Variants in MGAT4C observed in about 807,000 individuals in gnomAD.
The protein encoded by MGAT4C is MGAT4 family member C.
A neutral mutation model predicts 40.1 loss-of-function variants in MGAT4C; 19 were observed. The observed-to-expected ratio is 0.47, with a 90% CI of 0.33 to 0.70. The LOEUF is 0.70. Among genes scored for constraint, MGAT4C ranks in the 30% least tolerant of loss-of-function variants. The pLI, the probability that MGAT4C is intolerant of heterozygous loss-of-function variation, is 0.02. For missense variants in MGAT4C, 491 were observed against 563.2 expected, an observed-to-expected ratio of 0.87 and a Z score of 1.30; for synonymous variants, 181 against 187.1, an observed-to-expected ratio of 0.97 and a Z score of 0.27.
intron 1 of MGAT4C, among the ~76,000 whole-genome samples, chr12:86,773,694 T>C (rs1286088840): frequency 1.3e-5 from 2 of 151,990 alleles, no homozygotes; most frequent in African/African-American, 4.8e-5. Flanking sequence ...ATCTCTTAAC[T>C]ATTTATAAGA....
At chr12:86,323,042 A>G (rs2136164393) in intron 4 of MGAT4C, among the ~76,000 whole-genome samples, 1 of 151,494 alleles carries the variant, frequency 6.6e-6, no homozygotes, top group Middle Eastern at 3.4e-3. Flanking sequence ...CTATTGTAAA[A>G]CTCTGCAACA....
At position 86,320,423 on chromosome 12, in the gene MGAT4C, A is replaced by G. The variant is rs574614731; in HGVS notation, c.-57+13642T>C. On this transcript the variant is annotated intron_variant, in intron 4 of 7. Transcript: ENST00000548651. ...CCAAAGAGTGGCATTTTCTTTTCATACTATTAGTTTATTAAGACTTAATAT... is the reference window on the plus strand; with the variant it reads ...CCAAAGAGTGGCATTTTCTTTTCATGCTATTAGTTTATTAAGACTTAATAT... 2.3e-3 allele frequency among the ~76,000 whole-genome samples: 355 copies of G among 152,228 alleles called. 1 individual carries two copies. The highest frequency in any genetic ancestry group is 7.9e-3 in the African/African-American group (329 of 41,574).
chr12:86,541,789 C>A (rs1348285439), intron 2 of MGAT4C, among the ~76,000 whole-genome samples: 2 of 152,138 alleles, frequency 1.3e-5, no homozygotes, highest in Non-Finnish European at 2.9e-5. Context: ...TCATCTCCAA[C>A]CTGATTTTCA....
chr12:86,054,658 T>A (rs10779229), intron 1 of MGAT4C, among the ~76,000 whole-genome samples: 1 of 151,662 alleles, frequency 6.6e-6, no homozygotes, highest in African/African-American at 2.4e-5. Context: ...ACATCATGTT[T>A]TACAAGATAA....
At position 86,497,303 on chromosome 12, in the gene MGAT4C, A is replaced by G. The variant is rs910211406; in HGVS notation, c.-228-62038T>C. Among the ~76,000 whole-genome samples the G allele has an allele frequency of 5.3e-5, 8 of 152,094 alleles. No homozygotes were observed. In the East Asian group the frequency reaches 9.7e-4, roughly 18 times the overall value. ...AGGCTCTTTGGAGTATATACCTGTG[A>G]GCCATGTCATTTCAAAGTTAAAGCA... On this transcript the variant is annotated intron_variant, in intron 2 of 7. Transcript: ENST00000548651.
intron 2 of MGAT4C, among the ~76,000 whole-genome samples, chr12:86,620,572 G>A (rs1593050803): frequency 6.6e-6 from 1 of 152,142 alleles, no homozygotes; most frequent in Admixed American, 6.5e-5. Flanking sequence ...TAAGGTGGGA[G>A]GGGGATGGTG....
rs116806010 is a variant in MGAT4C, at chr12:86,677,703, C to T, written c.-229+49506G>A. On this transcript the variant is annotated intron_variant, in intron 2 of 7. Coordinates refer to the MGAT4C transcript ENST00000548651. ...CTTCTATAAATATACCATGGTAAAA[C>T]GAGTTAATGGGTTTCACATAAAATC... 4.1e-3 allele frequency among the ~76,000 whole-genome samples: 617 copies of T among 151,822 alleles called. 3 individuals carry two copies. Among genetic ancestry groups the T allele is most frequent in the African/African-American group, 0.014 (599 of 41,404 alleles).
At position 86,411,564 on chromosome 12, in the gene MGAT4C, G is replaced by C. The variant is rs115624568; in HGVS notation, c.-120+23593C>G. ...CATTCAAGATATATCCTGGCTACTT[G>C]TAGTAGCCTATGCTTATATTTTTTA... On this transcript the variant is annotated intron_variant, in intron 3 of 7. Coordinates refer to the MGAT4C transcript ENST00000548651. 5.8e-3 allele frequency among the ~76,000 whole-genome samples: 882 copies of C among 152,288 alleles called. 7 individuals are homozygous for C. Among genetic ancestry groups the C allele is most frequent in the African/African-American group, 0.02 (846 of 41,558 alleles).
chr12:86,093,333 A>G (rs1873227704), intron 1 of MGAT4C, among the ~76,000 whole-genome samples: 1 of 152,156 alleles, frequency 6.6e-6, no homozygotes, highest in South Asian at 2.1e-4. Context: ...GATTCTGCAT[A>G]AGCAACTTTC....
At chr12:86,749,699 T>C (rs1951205005) in intron 1 of MGAT4C, among the ~76,000 whole-genome samples, 1 of 151,770 alleles carries the variant, frequency 6.6e-6, no homozygotes, top group Admixed American at 6.6e-5. Flanking sequence ...ATGCTGCCAA[T>C]TTTGGAGATT....
intron 3 of MGAT4C, among the ~76,000 whole-genome samples, chr12:86,377,793 A>T (rs1955858343): frequency 6.6e-6 from 1 of 152,100 alleles, no homozygotes; most frequent in South Asian, 2.1e-4. Context: ...ATCACTACCC[A>T]TCTTGAGAAC....
intron 4 of MGAT4C, among the ~76,000 whole-genome samples, chr12:86,310,060 G>C (rs1020773853): frequency 6.6e-6 from 1 of 151,498 alleles, no homozygotes; most frequent in African/African-American, 2.4e-5. Flanking sequence ...AAAAGAACAG[G>C]AAGAATAAAA....
At chr12:86,405,416 G>A (rs137887171) in intron 3 of MGAT4C, among the ~76,000 whole-genome samples, 328 of 152,052 alleles carry the variant, frequency 2.2e-3, no homozygotes, top group African/African-American at 6.8e-3. Context: ...TTAGGAGTAC[G>A]TATAAGAAGG....
chr12:85,988,207 A>C (rs762158291), intron 3 of MGAT4C, among the ~76,000 whole-genome samples: 8 of 152,160 alleles, frequency 5.3e-5, no homozygotes, highest in Non-Finnish European at 1.2e-4. Context: ...ACAACATCAG[A>C]ATCACTATTT....
chr12:86,193,970 A>G (rs1057329290), intron 1 of MGAT4C, among the ~76,000 whole-genome samples: 2 of 151,696 alleles, frequency 1.3e-5, no homozygotes, highest in African/African-American at 2.4e-5. Flanking sequence ...ACCTAACCTC[A>G]CTTTCTCTTA....
At chr12:86,307,725 C>T (rs1489234102) in intron 4 of MGAT4C, among the ~76,000 whole-genome samples, 1 of 149,988 alleles carries the variant, frequency 6.7e-6, no homozygotes, top group Non-Finnish European at 1.5e-5. Flanking sequence ...TTTTTTGAGA[C>T]GTTGTCTAGC....
chr12:86,728,511 T>A (rs910827010), intron 1 of MGAT4C, among the ~76,000 whole-genome samples: 2 of 152,150 alleles, frequency 1.3e-5, no homozygotes, highest in African/African-American at 4.8e-5. Flanking sequence ...GCCAAGATGG[T>A]GAAACCTCGT....
chr12:86,105,976 C>A (rs1876087904), intron 1 of MGAT4C, among the ~76,000 whole-genome samples: 1 of 152,028 alleles, frequency 6.6e-6, no homozygotes, highest in African/African-American at 2.4e-5. Flanking sequence ...AAGTCTGAAC[C>A]TAAATGGTAA....
chr12:86,801,410 A>G (rs747157641), intron 1 of MGAT4C, among the ~76,000 whole-genome samples: 1 of 151,886 alleles, frequency 6.6e-6, no homozygotes, highest in Non-Finnish European at 1.5e-5. Context: ...AAGAGATTCA[A>G]AATTTAGGAA....
Sources: gnomAD v4.1 joint callset for allele counts (sites outside exome capture counted in the v4.1 genomes callset) on GRCh38, gnomAD v4.1.1 for gene constraint, MANE v1.5 for transcripts, NCBI Gene and HGNC (gene_info 2026-07-23, HGNC 2026-07-21) for gene names.